The following OTOA variants were observed in gnomAD, a reference collection of about 807,000 sequenced individuals.
OTOA encodes cancer/testis antigen 108.
OTOA carries 70 observed loss-of-function variants against 110.8 expected under a neutral mutation model. The observed-to-expected ratio is 0.63, with a 90% confidence interval of 0.52 to 0.77. OTOA has a LOEUF of 0.77. OTOA is among the 30% of genes least tolerant of loss of function. The probability of loss-of-function intolerance (pLI) is 0.00; values close to 1 mark genes in which losing one functional copy is unlikely to be tolerated. For missense variants in OTOA, 917 were observed against 1,075.8 expected (o/e 0.85, Z 2.06); for synonymous variants, 373 against 431.5 (o/e 0.86, Z 1.68).
In OTOA at chr16:21,728,241, G is replaced by A. The variant is rs773673830; in HGVS notation, c.2017G>A (p.Asp673Asn). Reference protein sequence around the residue: ...SVLRKVQQCLDDSIADEYTVD... With the variant: ...SVLRKVQQCLNDSIADEYTVD... ...CATTGGCTCCACTTTTTGGGTTCAG[G>A]ACGACTCCATTGCTGATGAGTACAC... Residue 673 changes from aspartate (D) to asparagine (N), a missense_variant and splice_region_variant, in exon 20 of 29, where the codon GAC (aspartate) becomes AAC (asparagine). Around this residue, in one of 6 missense-constraint regions of OTOA, gnomAD observed 840 missense variants for 910.2 expected, o/e 0.92. Transcript: ENST00000646100. The A allele has an allele frequency of 1.2e-6, 2 of 1,614,118 alleles. No individual in the cohort carries two copies. Among genetic ancestry groups the A allele is most frequent in the Non-Finnish European group, 1.7e-6 (2 of 1,180,004 alleles).
At chr16:21,716,878 G>A (rs1400513096) in intron 14 of OTOA, 29 bp from the exon 15 acceptor site, 2 of 1,613,262 alleles carry the variant, frequency 1.2e-6, no homozygotes, top group Admixed American at 1.7e-5. Context: ...TTTTTACAAT[G>A]TTGTTTTGTT....
At chr16:21,697,037 C>T (rs1410694415) in intron 9 of OTOA, among the ~76,000 whole-genome samples, 64 of 65,018 alleles carry the variant, frequency 9.8e-4, no homozygotes, top group South Asian at 2.4e-3. Flanking sequence ...CTACAGCTGG[C>T]TTTTTTTTTT....
intron 1 of OTOA, among the ~76,000 whole-genome samples, chr16:21,671,544 A>G: frequency 6.9e-6 from 1 of 145,806 alleles, no homozygotes; most frequent in Non-Finnish European, 1.5e-5. Context: ...CCTACATTGC[A>G]CCACTGCACT....
chr16:21,713,440 G>A (rs1373245606), intron 13 of OTOA, among the ~76,000 whole-genome samples: 1 of 152,166 alleles, frequency 6.6e-6, no homozygotes, highest in African/African-American at 2.4e-5. Context: ...GTCCTAGCCT[G>A]CTTCCTCCAT....
chr16:21,690,526 G>A (rs538419595), intron 8 of OTOA, among the ~76,000 whole-genome samples: 1 of 152,080 alleles, frequency 6.6e-6, no homozygotes, highest in South Asian at 2.1e-4. Flanking sequence ...ACATAATCTT[G>A]TTCATTTTTA....
chr16:21,694,267 C>T (rs1489434652), intron 9 of OTOA, among the ~76,000 whole-genome samples: 1 of 151,920 alleles, frequency 6.6e-6, no homozygotes, highest in Admixed American at 6.6e-5. Context: ...ATAGCAAGAC[C>T]CCATTTCTTA....
At chr16:21,695,503 C>G (rs1897914608) in intron 9 of OTOA, among the ~76,000 whole-genome samples, 1 of 152,076 alleles carries the variant, frequency 6.6e-6, no homozygotes, top group Non-Finnish European at 1.5e-5. Context: ...TCAAAAGTTT[C>G]CAGCCCTCTA....
In OTOA at chr16:21,722,930, G is replaced by A; in HGVS notation, c.1832G>A (p.Trp611Ter). Reference sequence around the variant, plus strand: ...GTTAATTGTTTGGCGTGGAAATACTGGGAAGTTTCCAGATTGTCTATGCCA... The same window carrying A: ...GTTAATTGTTTGGCGTGGAAATACTAGGAAGTTTCCAGATTGTCTATGCCA... ...YQVNCLAWKY[W>*]EVSRLSMPPF... The change falls in exon 18 of 29, where the codon TGG becomes TAG. Residue 611 changes from tryptophan (W) to a stop codon, truncating the protein, a stop_gained. Coordinates refer to ENST00000646100, the MANE Select transcript of OTOA (RefSeq NM_144672.4). LOFTEE classifies it high-confidence loss of function. 1 of 1,614,100 alleles carries A rather than the reference G, an allele frequency of 6.2e-7. No individual in the cohort carries two copies. The highest frequency in any genetic ancestry group is 1.1e-5 in the South Asian group (1 of 91,088).
In OTOA at chr16:21,717,058, G is replaced by T; in HGVS notation, c.1629+11G>T. ...CTTGGAAGGAGCCAGGTATTACCAT[G>T]AAACACAGATCGATCCTGTATTTCT... On this transcript the variant is annotated intron_variant, in intron 15 of 28. Transcript: ENST00000646100. 1 of 1,614,008 alleles carries T rather than the reference G, an allele frequency of 6.2e-7. No homozygotes were observed. Among genetic ancestry groups the T allele is most frequent in the Non-Finnish European group, 8.5e-7 (1 of 1,179,932 alleles).
intron 24 of OTOA, among the ~76,000 whole-genome samples, chr16:21,751,556 CGTT>C (rs1899826526): frequency 2.2e-5 from 2 of 89,374 alleles, no homozygotes; most frequent in Admixed American, 2.6e-4. Flanking sequence ...GGAGAAGAAA[CGTT>C]GTGGAAAAAG....
At chr16:21,714,943 A>G (rs1422197839) in intron 13 of OTOA, 42 bp from the exon 14 acceptor site, 1 of 1,612,756 alleles carries the variant, frequency 6.2e-7, no homozygotes, top group South Asian at 1.1e-5. Context: ...GAGAGGTGAA[A>G]GGCGGGAGCA....
intron 1 of OTOA, among the ~76,000 whole-genome samples, chr16:21,665,688 C>T (rs1966839454): frequency 6.6e-6 from 1 of 152,060 alleles, no homozygotes; most frequent in Non-Finnish European, 1.5e-5. Context: ...CTCATTGAAT[C>T]CAAAGCCATT....
At chr16:21,704,961 G>A in intron 11 of OTOA, 1 of 821,648 alleles carries the variant, frequency 1.2e-6, no homozygotes, top group East Asian at 2.4e-5. Flanking sequence ...TCATAATTCA[G>A]CCCCCATTCC....
In OTOA at chr16:21,664,114, GCCGGCTGGCGCCGCC is replaced by G. The variant is rs1234771196; in HGVS notation, c.-119_-105del. 1.3e-5 allele frequency: 2 copies of G among 152,206 alleles called. No individual in the cohort carries two copies. The highest frequency in any genetic ancestry group is 1.3e-4 in the Admixed American group (2 of 15,286). The allele number at this position is 152,206 out of a possible 1,614,324, so 9.4% of individuals were successfully genotyped here. A position where few individuals can be genotyped will look rare whatever the true frequency, so the allele number is the denominator to read the frequency against. On this transcript the variant is annotated 5_prime_UTR_variant, in exon 1 of 29. Transcript: ENST00000646100. ...GCTGCAGGGAGGAGGTCGCAGAGCT[GCCGGCTGGCGCCGCC>G]CCGCCGCTCTCCTGCCTGCCCGCTC...
intron 18 of OTOA, among the ~76,000 whole-genome samples, chr16:21,726,239 G>A (rs541589145): frequency 2.6e-5 from 4 of 151,576 alleles, no homozygotes; most frequent in Non-Finnish European, 2.9e-5. Context: ...ACAGAAGAGG[G>A]TCATGATGGG....
At chr16:21,675,753 A>C (rs1966856577) in intron 1 of OTOA, among the ~76,000 whole-genome samples, 1 of 151,722 alleles carries the variant, frequency 6.6e-6, no homozygotes, top group African/African-American at 2.4e-5. Flanking sequence ...TCCCTTTAAC[A>C]TGCTCGCAGT....
chr16:21,735,786 G>A lies in OTOA; in HGVS notation c.2302-475G>A, dbSNP rs552859546. On this transcript the variant is annotated intron_variant, in intron 21 of 28. Transcript: ENST00000646100. Reference sequence around the variant, plus strand: ...TTTTTGTATTTTTAGTAGAGATGGGGTTTCACCATGTTGGCCAGGCCAGTC... The same window carrying A: ...TTTTTGTATTTTTAGTAGAGATGGGATTTCACCATGTTGGCCAGGCCAGTC... 6.6e-5 allele frequency among the ~76,000 whole-genome samples: 10 copies of A among 152,114 alleles called. No individual in the cohort carries two copies. In the South Asian group the frequency reaches 1.9e-3, roughly 28 times the overall value.
chr16:21,719,277 T>C (rs1248350642), intron 16 of OTOA, 86 bp downstream of exon 16: 1 of 1,573,912 alleles, frequency 6.4e-7, no homozygotes, highest in African/African-American at 1.4e-5. Flanking sequence ...GTGGGAGAGT[T>C]AGGCAGTCAC....
intron 21 of OTOA, among the ~76,000 whole-genome samples, chr16:21,731,660 A>G (rs940128716): frequency 3.3e-5 from 5 of 152,194 alleles, no homozygotes; most frequent in Admixed American, 3.3e-4. Context: ...AGTAAGTTAC[A>G]TGACCAAGAC....
Sources: allele counts gnomAD v4.1 joint callset (sites outside exome capture counted in the v4.1 genomes callset), GRCh38; gene constraint gnomAD v4.1.1; regional missense constraint gnomAD v4.1.1; transcripts MANE v1.5; gene names NCBI Gene and HGNC (gene_info 2026-07-23, HGNC 2026-07-21).